SAMM50: variants seen among roughly 807,000 people sequenced by gnomAD.
The protein encoded by SAMM50 is sorting and assembly machinery component 50 homolog.
A neutral mutation model predicts 66.9 loss-of-function variants in SAMM50; 47 were observed. The ratio of observed to expected loss-of-function variants is 0.70; its 90% confidence interval spans 0.56 to 0.90. The LOEUF is 0.90. Among genes scored for constraint, SAMM50 ranks in the 40% least tolerant of loss-of-function variants. The pLI, the probability that SAMM50 is intolerant of heterozygous loss-of-function variation, is 0.00. For missense variants in SAMM50, 535 were observed against 595.3 expected, an observed-to-expected ratio of 0.90 and a Z score of 1.05; for synonymous variants, 191 against 214.1, an observed-to-expected ratio of 0.89 and a Z score of 0.94.
intron 10 of SAMM50, among the ~76,000 whole-genome samples, chr22:43,979,404 A>T (rs1050769403): frequency 7.9e-5 from 12 of 152,124 alleles, no homozygotes; most frequent in Non-Finnish European, 1.6e-4. Context: ...CCATCCACTG[A>T]CCTGCACAGT....
intron 4 of SAMM50, among the ~76,000 whole-genome samples, chr22:43,971,052 C>T (rs1326144816): frequency 6.6e-6 from 1 of 152,040 alleles, no homozygotes; most frequent in Non-Finnish European, 1.5e-5. Flanking sequence ...CCTGTCATCC[C>T]AGCTACTCGG....
At chr22:43,957,723 C>T (rs1173500289) in intron 1 of SAMM50, among the ~76,000 whole-genome samples, 2 of 151,972 alleles carry the variant, frequency 1.3e-5, no homozygotes, top group Admixed American at 6.6e-5. Flanking sequence ...TGCGCCCAGC[C>T]AATTATAACT....
At chr22:43,968,068 A>G (rs1424197163) in intron 3 of SAMM50, among the ~76,000 whole-genome samples, 1 of 148,632 alleles carries the variant, frequency 6.7e-6, no homozygotes, top group East Asian at 2.0e-4. Flanking sequence ...CTAAACATAC[A>G]AAAAAAAAAT....
In SAMM50 at chr22:43,989,692, G is replaced by GA. The variant is rs1231876585; in HGVS notation, c.1222+442dup. Among the ~76,000 whole-genome samples, 9 of 152,238 alleles carry GA rather than the reference G, an allele frequency of 5.9e-5. No homozygotes were observed. The East Asian group carries it at 1.7e-3, about 29-fold the overall frequency. ...TAAAGTTAGAGACTGTGCCTTACTT[G>GA]AAAAAAATTCTTACAACAGCTAACA... On this transcript the variant is annotated intron_variant, in intron 13 of 14. Coordinates refer to ENST00000350028, the MANE Select transcript of SAMM50 (RefSeq NM_015380.5).
chr22:43,995,640 G>T (rs1057324292), intron 14 of SAMM50: 1 of 152,948 alleles, frequency 6.5e-6, no homozygotes, highest in Non-Finnish European at 1.5e-5. Flanking sequence ...AAAGAACAAG[G>T]CCTGTGGGTG....
chr22:43,978,579 G>A (rs926730871), intron 10 of SAMM50, among the ~76,000 whole-genome samples: 4 of 151,878 alleles, frequency 2.6e-5, no homozygotes, highest in Non-Finnish European at 4.4e-5. Flanking sequence ...ATGCTGTTCC[G>A]TGGACCTTCT....
intron 14 of SAMM50, among the ~76,000 whole-genome samples, chr22:43,993,510 T>C (rs559415448): frequency 1.3e-5 from 2 of 152,390 alleles, no homozygotes; most frequent in Non-Finnish European, 2.9e-5. Flanking sequence ...TTTCAAAATA[T>C]GGTTTATTCC....
At chr22:43,985,513 T>G (rs572417166) in intron 12 of SAMM50, among the ~76,000 whole-genome samples, 1 of 152,204 alleles carries the variant, frequency 6.6e-6, no homozygotes, top group African/African-American at 2.4e-5. Context: ...CCTCCATGTC[T>G]TTCTGGGACC....
chr22:43,989,959 G>T (rs1368698379), intron 13 of SAMM50, among the ~76,000 whole-genome samples: 2 of 152,200 alleles, frequency 1.3e-5, no homozygotes, highest in Non-Finnish European at 2.9e-5. Flanking sequence ...TCCAAGCTGA[G>T]ACTCAGAGTG....
intron 3 of SAMM50, among the ~76,000 whole-genome samples, chr22:43,967,541 C>T (rs564222865): frequency 6.6e-6 from 1 of 152,212 alleles, no homozygotes; most frequent in Non-Finnish European, 1.5e-5. Flanking sequence ...GTCTGTCCTC[C>T]CCTCCAATAC....
chr22:43,993,159 G>A (rs2050334247), intron 14 of SAMM50, among the ~76,000 whole-genome samples: 1 of 152,212 alleles, frequency 6.6e-6, no homozygotes, highest in African/African-American at 2.4e-5. Context: ...GCTTAAGTGG[G>A]TGGTTTTGAG....
At chr22:43,970,546 T>C (rs1186475002) in intron 4 of SAMM50, among the ~76,000 whole-genome samples, 3 of 152,190 alleles carry the variant, frequency 2.0e-5, no homozygotes, top group East Asian at 3.8e-4. Flanking sequence ...ACTTAATCAC[T>C]TGGCCACACC....
intron 4 of SAMM50, among the ~76,000 whole-genome samples, chr22:43,970,866 A>G (rs2050199926): frequency 6.6e-6 from 1 of 152,062 alleles, no homozygotes; most frequent in African/African-American, 2.4e-5. Context: ...ATAAAAAAAG[A>G]AAAAGAAAGA....
In SAMM50 at chr22:43,957,714, G is replaced by A. The variant is rs527909868; in HGVS notation, c.21+2116G>A. ...GCTGAGATTACAGGTGTGAGCCACT[G>A]CGCCCAGCCAATTATAACTACATTT... On this transcript the variant is annotated intron_variant, in intron 1 of 14. Coordinates refer to ENST00000350028, the MANE Select transcript of SAMM50 (RefSeq NM_015380.5). Among the ~76,000 whole-genome samples, 5 of 151,434 alleles carry A rather than the reference G, an allele frequency of 3.3e-5. No homozygotes were observed. The South Asian group carries it at 1.0e-3, about 32-fold the overall frequency.
chr22:43,966,473 TCAGCCTC>T (rs1189437888), intron 3 of SAMM50, among the ~76,000 whole-genome samples: 1 of 152,172 alleles, frequency 6.6e-6, no homozygotes, highest in South Asian at 2.1e-4. Flanking sequence ...TTCTCCTGCT[TCAGCCTC>T]CTGAGTAGCT....
At chr22:43,966,655 C>T (rs1158555978) in intron 3 of SAMM50, among the ~76,000 whole-genome samples, 1 of 152,136 alleles carries the variant, frequency 6.6e-6, no homozygotes, top group Non-Finnish European at 1.5e-5. Flanking sequence ...TGCACCCGGC[C>T]CACAAGTCCA....
intron 4 of SAMM50, among the ~76,000 whole-genome samples, chr22:43,970,100 C>T (rs2050195876): frequency 6.6e-6 from 1 of 152,170 alleles, no homozygotes; most frequent in South Asian, 2.1e-4. Flanking sequence ...CACTAACAGA[C>T]CTAAAAGAAC....
At chr22:43,965,937 C>T (rs1257605752) in intron 3 of SAMM50, among the ~76,000 whole-genome samples, 9 of 152,150 alleles carry the variant, frequency 5.9e-5, no homozygotes, top group Non-Finnish European at 1.3e-4. Flanking sequence ...CTCTTGGGTT[C>T]AAGCAATCCT....
intron 1 of SAMM50, among the ~76,000 whole-genome samples, chr22:43,956,325 C>A (rs908851183): frequency 6.6e-6 from 1 of 152,228 alleles, no homozygotes; most frequent in African/African-American, 2.4e-5. Context: ...AGCCCCAACA[C>A]TACTTTTCTA....
Sources: allele counts gnomAD v4.1 joint callset (sites outside exome capture counted in the v4.1 genomes callset), GRCh38; gene constraint gnomAD v4.1.1; transcripts MANE v1.5; gene names NCBI Gene and HGNC (gene_info 2026-07-23, HGNC 2026-07-21).